The following B3GALT1 variants were observed in gnomAD, a reference collection of about 807,000 sequenced individuals.
B3GALT1 encodes beta-1,3-galactosyltransferase 1.
B3GALT1 carries 10 observed loss-of-function variants against 23.2 expected under a neutral mutation model. That is an observed-to-expected ratio of 0.43 (90% confidence interval 0.27 to 0.73). B3GALT1 has a LOEUF of 0.73. Ranked by LOEUF, B3GALT1 falls within the 30% of genes least tolerant of loss-of-function variation. B3GALT1 has a pLI of 0.21. For missense variants in B3GALT1, 299 were observed against 405.4 expected (o/e 0.74, Z 2.25); for synonymous variants, 156 against 141.5 (o/e 1.10, Z -0.73).
At chr2:167,775,969 C>A (rs1447112681) in intron 3 of B3GALT1, among the ~76,000 whole-genome samples, 1 of 150,362 alleles carries the variant, frequency 6.7e-6, no homozygotes, top group African/African-American at 2.5e-5. Context: ...CACCACAGTA[C>A]CCCAAACAAC....
rs551298356 is a variant in B3GALT1 at position 167,293,013 on chromosome 2, G to C, written c.-832G>C. Among the ~76,000 whole-genome samples the C allele has an allele frequency of 1.3e-5, 2 of 152,008 alleles. No homozygotes were observed. Among genetic ancestry groups the C allele is most frequent in the African/African-American group, 2.4e-5 (1 of 41,440 alleles). ...AGTCGCCGAGGCCAGAGCCATCGCC[G>C]GGGAAGCGCAGCCGGGCTCGGGTGC... On this transcript the variant is annotated 5_prime_UTR_variant, in exon 1 of 5. Transcript: ENST00000392690.
chr2:167,405,881 T>C (rs2105291903), intron 1 of B3GALT1, among the ~76,000 whole-genome samples: 1 of 152,182 alleles, frequency 6.6e-6, no homozygotes, highest in Middle Eastern at 3.4e-3. Flanking sequence ...CTCTAAGGAC[T>C]CAAATAGAGT....
rs939458587 is a variant in B3GALT1 at position 167,293,110 on chromosome 2, T to C, written c.-735T>C. The C allele has an allele frequency of 4.6e-5, 7 of 151,016 alleles. No homozygotes were observed. Among genetic ancestry groups the C allele is most frequent in the African/African-American group, 1.5e-4 (6 of 41,268 alleles). 9.4% of individuals were successfully genotyped at this position (151,016 alleles called of 1,614,324 possible). A position where few individuals can be genotyped will look rare whatever the true frequency, so the allele number is the denominator to read the frequency against. ...GCGCGGGCGCCGCCGCCGCCTCTGC[T>C]GCTGCCCACCCCGCCGCGCCGCCGG... is the stretch of plus-strand genomic sequence containing the variant. On this transcript the variant is annotated 5_prime_UTR_variant, in exon 1 of 5. Transcript: ENST00000392690.
intron 3 of B3GALT1, among the ~76,000 whole-genome samples, 96 bp downstream of exon 3, chr2:167,647,062 C>T (rs898371257): frequency 2.0e-5 from 3 of 152,030 alleles, no homozygotes; most frequent in African/African-American, 7.3e-5. Flanking sequence ...AGAAAATTGC[C>T]TTTATTAGAA....
intron 1 of B3GALT1, among the ~76,000 whole-genome samples, chr2:167,358,815 T>G (rs1327299944): frequency 6.6e-6 from 1 of 152,168 alleles, no homozygotes; most frequent in African/African-American, 2.4e-5. Context: ...AAGTTTTTTA[T>G]TTTTTTGAGA....
intron 3 of B3GALT1, among the ~76,000 whole-genome samples, chr2:167,740,095 T>C (rs1032051787): frequency 6.8e-6 from 1 of 147,366 alleles, no homozygotes; most frequent in Non-Finnish European, 1.5e-5. Flanking sequence ...TGGGACTCTG[T>C]CTCTAAATAA....
At chr2:167,381,472 A>G (rs2105276362) in intron 1 of B3GALT1, among the ~76,000 whole-genome samples, 1 of 152,330 alleles carries the variant, frequency 6.6e-6, no homozygotes, top group Non-Finnish European at 1.5e-5. Flanking sequence ...CTTGGGATCT[A>G]ATACTCAGCA....
At chr2:167,849,392 G>C (rs55935707) in intron 4 of B3GALT1, among the ~76,000 whole-genome samples, 1 of 151,982 alleles carries the variant, frequency 6.6e-6, no homozygotes. Context: ...CACATAGACC[G>C]ATGGAACAGA....
chr2:167,462,434 G>T (rs781381341), intron 1 of B3GALT1, among the ~76,000 whole-genome samples: 9 of 152,116 alleles, frequency 5.9e-5, no homozygotes, highest in Admixed American at 3.9e-4. Context: ...TGTAATAAAC[G>T]ATTTCAAGAC....
rs138607480 is a variant in B3GALT1 at position 167,440,045 on chromosome 2, G to A, written c.-510-50132G>A. On this transcript the variant is annotated intron_variant, in intron 1 of 4. Transcript: ENST00000392690. ...TGTTTTGTTTTATTTTGAAAAAATCGGTAAGAAATAATTTAAGGCTGGGGG... is the reference window on the plus strand; with the variant it reads ...TGTTTTGTTTTATTTTGAAAAAATCAGTAAGAAATAATTTAAGGCTGGGGG... Among the ~76,000 whole-genome samples the A allele has an allele frequency of 1.9e-3, 291 of 151,612 alleles. 1 individual carries two copies. The highest frequency in any genetic ancestry group is 6.7e-3 in the African/African-American group (277 of 41,376).
At chr2:167,594,391 G>A (rs1473536001) in intron 2 of B3GALT1, among the ~76,000 whole-genome samples, 1 of 152,078 alleles carries the variant, frequency 6.6e-6, no homozygotes, top group Admixed American at 6.6e-5. Context: ...TAGTATTCCA[G>A]ATCAATTGAC....
intron 2 of B3GALT1, among the ~76,000 whole-genome samples, chr2:167,592,621 T>C (rs983874153): frequency 2.0e-5 from 3 of 152,210 alleles, no homozygotes; most frequent in African/African-American, 7.2e-5. Context: ...GTCATGGCTT[T>C]GGAGGGTAGA....
chr2:167,610,569 C>T (rs1238530198), intron 2 of B3GALT1, among the ~76,000 whole-genome samples: 1 of 151,952 alleles, frequency 6.6e-6, no homozygotes, highest in African/African-American at 2.4e-5. Flanking sequence ...AAAAGCAGGC[C>T]GTGATTAAAT....
At chr2:167,520,279 A>G (rs1473736319) in intron 2 of B3GALT1, among the ~76,000 whole-genome samples, 1 of 150,182 alleles carries the variant, frequency 6.7e-6, no homozygotes, top group Admixed American at 6.7e-5. Flanking sequence ...TTTTTACATT[A>G]TAACTGAAGA....
At chr2:167,527,925 G>T (rs1683249814) in intron 2 of B3GALT1, among the ~76,000 whole-genome samples, 1 of 152,174 alleles carries the variant, frequency 6.6e-6, no homozygotes, top group Non-Finnish European at 1.5e-5. Flanking sequence ...TGTTTTTCAA[G>T]AAGGGAGCAA....
intron 3 of B3GALT1, among the ~76,000 whole-genome samples, chr2:167,742,328 G>A (rs995858249): frequency 6.6e-6 from 1 of 152,144 alleles, no homozygotes; most frequent in Non-Finnish European, 1.5e-5. Flanking sequence ...CAGGTAATGT[G>A]TAGTGGGAGT....
At chr2:167,300,962 T>A (rs544944327) in intron 1 of B3GALT1, among the ~76,000 whole-genome samples, 10 of 152,322 alleles carry the variant, frequency 6.6e-5, no homozygotes, top group Admixed American at 5.9e-4. Context: ...CTTCTCTCAA[T>A]ATAGAAATTC....
chr2:167,443,307 G>A (rs1698925217), intron 1 of B3GALT1, among the ~76,000 whole-genome samples: 1 of 152,118 alleles, frequency 6.6e-6, no homozygotes, highest in Non-Finnish European at 1.5e-5. Context: ...GTCAGGTAGT[G>A]TGATGCCTCC....
intron 1 of B3GALT1, among the ~76,000 whole-genome samples, chr2:167,435,032 A>C (rs996677473): frequency 6.6e-6 from 1 of 152,142 alleles, no homozygotes; most frequent in Non-Finnish European, 1.5e-5. Flanking sequence ...ACATAATGTA[A>C]GAGTCCATAA....
Sources: allele counts gnomAD v4.1 joint callset (sites outside exome capture counted in the v4.1 genomes callset), GRCh38; gene constraint gnomAD v4.1.1; transcripts MANE v1.5; gene names NCBI Gene and HGNC (gene_info 2026-07-23, HGNC 2026-07-21).